The following NTRK2 variants were observed in gnomAD, a reference collection of about 807,000 sequenced individuals.
NTRK2 encodes the protein neurotrophic receptor tyrosine kinase 2.
NTRK2 carries 13 observed loss-of-function variants against 94.5 expected under a neutral mutation model. The ratio of observed to expected loss-of-function variants is 0.14; its 90% CI spans 0.09 to 0.22. The LOEUF is 0.22. Ranked by LOEUF, NTRK2 falls within the 10% of genes least tolerant of loss-of-function variation. The probability of loss-of-function intolerance (pLI) is 1.00; values close to 1 mark genes in which losing one functional copy is unlikely to be tolerated. For synonymous variants in NTRK2, 372 were observed against 407.4 expected (o/e 0.91, Z 1.05); for missense variants, 639 against 1,071.2 (o/e 0.60, Z 5.63).
At chr9:84,927,993 G>T (rs983602309) in intron 14 of NTRK2, among the ~76,000 whole-genome samples, 2 of 152,204 alleles carry the variant, frequency 1.3e-5, no homozygotes, top group African/African-American at 4.8e-5. Context: ...GAAATTAATT[G>T]ATGATAATGC....
intron 17 of NTRK2, among the ~76,000 whole-genome samples, chr9:84,968,924 T>C (rs1825870128): frequency 6.6e-6 from 1 of 151,830 alleles, no homozygotes; most frequent in Non-Finnish European, 1.5e-5. Flanking sequence ...GTTCCAAAGA[T>C]TGTGAATGCT....
At chr9:84,885,795 A>C (rs545850870) in intron 14 of NTRK2, among the ~76,000 whole-genome samples, 29 of 152,170 alleles carry the variant, frequency 1.9e-4, no homozygotes, top group Non-Finnish European at 3.5e-4. Flanking sequence ...TGGGAGGCCG[A>C]GGCAGGCGGA....
In NTRK2 at chr9:85,020,276, C is replaced by A. The variant is rs367769334; in HGVS notation, c.2243C>A (p.Thr748Lys). ...AGCATCATGTACAGGAAATTCACGACGGAAAGCGACGTCTGGAGCCTGGGG... is the reference window on the plus strand; with the variant it reads ...AGCATCATGTACAGGAAATTCACGAAGGAAAGCGACGTCTGGAGCCTGGGG... ...PESIMYRKFTTESDVWSLGVV... is the reference protein window; with the variant it reads ...PESIMYRKFTKESDVWSLGVV... The change falls in exon 18 of 19, where the codon ACG (threonine) becomes AAG (lysine). Residue 748 changes from threonine (T) to lysine (K), a missense_variant. Transcript: ENST00000277120. The A allele has an allele frequency of 1.9e-6, 3 of 1,613,932 alleles. No homozygotes were observed. The highest frequency in any genetic ancestry group is 2.2e-5 in the South Asian group (2 of 91,074).
chr9:84,670,989 T>C (rs933605528), intron 2 of NTRK2, 29 bp downstream of exon 2: 1 of 1,598,102 alleles, frequency 6.3e-7, no homozygotes, highest in East Asian at 2.2e-5. Context: ...TCCTCCTTTT[T>C]CTCCTTGCCC....
chr9:84,816,596 T>C (rs939249031), intron 12 of NTRK2, among the ~76,000 whole-genome samples: 123 of 151,748 alleles, frequency 8.1e-4, no homozygotes, highest in South Asian at 4.2e-4. Context: ...CTGGCCAATG[T>C]GGTGAAACCC....
chr9:84,783,077 A>T (rs1183819498), intron 12 of NTRK2, among the ~76,000 whole-genome samples: 1 of 151,072 alleles, frequency 6.6e-6, no homozygotes, highest in Non-Finnish European at 1.5e-5. Context: ...CCTACTGTGA[A>T]TGTCCTCTCG....
At chr9:84,890,277 C>T (rs1421909884) in intron 14 of NTRK2, among the ~76,000 whole-genome samples, 1 of 152,150 alleles carries the variant, frequency 6.6e-6, no homozygotes, top group East Asian at 1.9e-4. Flanking sequence ...TGGGTGACAG[C>T]AGGTCCATGG....
In NTRK2 at chr9:85,023,799, C is replaced by G. The variant is rs963734453; in HGVS notation, c.*2362C>G. ...TAGATTCCATCAGCAAAAACCAACA[C>G]AGGTTTGTCACGCTGCATGTCTGGC... On this transcript the variant is annotated 3_prime_UTR_variant, in exon 19 of 19. Transcript: ENST00000277120. The G allele has an allele frequency of 4.8e-5, 11 of 229,924 alleles. No homozygotes were observed. Among genetic ancestry groups the G allele is most frequent in the African/African-American group, 2.4e-4 (11 of 45,054 alleles). 14.2% of individuals were successfully genotyped at this position (229,924 alleles called of 1,614,324 possible). A position where few individuals can be genotyped will look rare whatever the true frequency, so the allele number is the denominator to read the frequency against.
At chr9:84,801,434 A>G (rs1188053696) in intron 12 of NTRK2, among the ~76,000 whole-genome samples, 2 of 152,216 alleles carry the variant, frequency 1.3e-5, no homozygotes, top group African/African-American at 2.4e-5. Flanking sequence ...GGATGGTTCA[A>G]CTTAGAATTT....
intron 17 of NTRK2, among the ~76,000 whole-genome samples, chr9:85,002,409 T>A (rs1009663275): frequency 6.6e-6 from 1 of 152,198 alleles, no homozygotes; most frequent in Admixed American, 6.5e-5. Context: ...TCCCAGGTGC[T>A]GTGGGTGTCT....
intron 13 of NTRK2, among the ~76,000 whole-genome samples, chr9:84,865,632 G>A (rs77573003): frequency 6.6e-6 from 1 of 152,198 alleles, no homozygotes; most frequent in East Asian, 1.9e-4. Flanking sequence ...CATTTAGTAG[G>A]GGGGGTTGGA....
chr9:84,950,650 TTG>T (rs2078748880), intron 16 of NTRK2, among the ~76,000 whole-genome samples: 1 of 151,638 alleles, frequency 6.6e-6, no homozygotes, highest in African/African-American at 2.4e-5. Context: ...AATGGGCTGC[TTG>T]TGATATCTTG....
At chr9:84,747,357 A>C (rs543440131) in intron 11 of NTRK2, among the ~76,000 whole-genome samples, 60 of 152,174 alleles carry the variant, frequency 3.9e-4, no homozygotes, top group African/African-American at 1.4e-3. Context: ...TTTAATTCTT[A>C]TACCAATCCA....
chr9:84,966,232 A>G (rs1049239905), intron 17 of NTRK2, among the ~76,000 whole-genome samples: 4 of 152,192 alleles, frequency 2.6e-5, no homozygotes, highest in African/African-American at 7.2e-5. Context: ...GTACTATAGA[A>G]CTTCCTACTG....
intron 17 of NTRK2, among the ~76,000 whole-genome samples, chr9:84,963,719 A>G (rs541966776): frequency 3.9e-5 from 6 of 152,196 alleles, no homozygotes; most frequent in Middle Eastern, 3.2e-3. Flanking sequence ...ATGGACTCCA[A>G]TTTCACTTAT....
chr9:84,826,034 A>G (rs1417052081), intron 12 of NTRK2, among the ~76,000 whole-genome samples: 1 of 152,206 alleles, frequency 6.6e-6, no homozygotes, highest in Non-Finnish European at 1.5e-5. Flanking sequence ...TAGGATTCTG[A>G]ATGAAACTAA....
chr9:84,940,696 T>C (rs2078377809), intron 15 of NTRK2, among the ~76,000 whole-genome samples: 1 of 151,398 alleles, frequency 6.6e-6, no homozygotes, highest in Non-Finnish European at 1.5e-5. Context: ...GTATAAGGGC[T>C]CACAAGAAAA....
chr9:84,757,393 A>G (rs1386935418), intron 12 of NTRK2, among the ~76,000 whole-genome samples: 1 of 152,230 alleles, frequency 6.6e-6, no homozygotes. Flanking sequence ...TAAGGAAATT[A>G]TAATACCAGT....
intron 14 of NTRK2, among the ~76,000 whole-genome samples, chr9:84,928,245 A>T (rs1467692083): frequency 6.6e-6 from 1 of 152,178 alleles, no homozygotes; most frequent in Non-Finnish European, 1.5e-5. Flanking sequence ...AAGGTGGATG[A>T]TTTTACCTGA....
Sources: gnomAD v4.1 joint callset for allele counts (sites outside exome capture counted in the v4.1 genomes callset) on GRCh38, gnomAD v4.1.1 for gene constraint, MANE v1.5 for transcripts, NCBI Gene and HGNC (gene_info 2026-07-23, HGNC 2026-07-21) for gene names.